Variants in GRIN2A observed in about 807,000 individuals in gnomAD.
GRIN2A encodes glutamate ionotropic receptor NMDA type subunit 2A.
A neutral mutation model predicts 113.4 loss-of-function variants in GRIN2A; 22 were observed. The ratio of observed to expected loss-of-function variants is 0.19; its 90% CI spans 0.14 to 0.28. The LOEUF (loss-of-function observed/expected upper bound fraction) is 0.28. Ranked by LOEUF, GRIN2A falls within the 10% of genes least tolerant of loss-of-function variation. The probability of loss-of-function intolerance (pLI) is 1.00; values close to 1 mark genes in which losing one functional copy is unlikely to be tolerated. For missense variants in GRIN2A, 1,502 were observed against 1,887.0 expected (o/e 0.80, Z 3.78); for synonymous variants, 827 against 738.4 (o/e 1.12, Z -1.94).
chr16:9,979,843 T>C (rs988274492), intron 2 of GRIN2A, among the ~76,000 whole-genome samples: 1 of 66,804 alleles, frequency 1.5e-5, no homozygotes, highest in Non-Finnish European at 3.1e-5. Context: ...AGGACTTATA[T>C]TCTGTGTGTG....
chr16:9,850,007 G>A (rs767901619), intron 4 of GRIN2A, 46 bp from the exon 5 acceptor site: 1 of 1,515,864 alleles, frequency 6.6e-7, no homozygotes, highest in African/African-American at 1.4e-5. Flanking sequence ...TTCCGCCGCT[G>A]ATTTCTGGAG....
chr16:10,136,904 G>C (rs770250540), intron 2 of GRIN2A, among the ~76,000 whole-genome samples: 13 of 152,238 alleles, frequency 8.5e-5, no homozygotes, highest in Non-Finnish European at 1.8e-4. Flanking sequence ...AAAGAGAAGT[G>C]AGACAGGGAA....
intron 2 of GRIN2A, among the ~76,000 whole-genome samples, chr16:10,104,294 G>C (rs1305361341): frequency 6.6e-6 from 1 of 152,184 alleles, no homozygotes; most frequent in Non-Finnish European, 1.5e-5. Flanking sequence ...AAAAGTGGAT[G>C]GATATGAACA....
intron 7 of GRIN2A, among the ~76,000 whole-genome samples, chr16:9,838,888 T>C (rs1325292362): frequency 6.6e-6 from 1 of 152,100 alleles, no homozygotes; most frequent in Non-Finnish European, 1.5e-5. Flanking sequence ...AGTGGTATAA[T>C]GGACACTGGA....
At chr16:9,935,512 TCACACACACACA>T (rs71157793) in intron 3 of GRIN2A, among the ~76,000 whole-genome samples, 290 of 132,894 alleles carry the variant, frequency 2.2e-3, no homozygotes, top group East Asian at 7.9e-3. Flanking sequence ...GTCTACTTCA[TCACACACACACA>T]CACACACACA....
At chr16:9,801,771 G>A (rs1357648579) in intron 10 of GRIN2A, among the ~76,000 whole-genome samples, 2 of 152,198 alleles carry the variant, frequency 1.3e-5, no homozygotes, top group African/African-American at 4.8e-5. Context: ...TGGTGGTCAT[G>A]CTGTCAGAGG....
intron 11 of GRIN2A, among the ~76,000 whole-genome samples, chr16:9,781,432 C>T (rs1442393584): frequency 6.6e-6 from 1 of 152,172 alleles, no homozygotes; most frequent in Non-Finnish European, 1.5e-5. Context: ...AGGAACACTG[C>T]TCTCTGCAGC....
intron 2 of GRIN2A, among the ~76,000 whole-genome samples, chr16:10,034,588 C>A: frequency 7.2e-6 from 1 of 139,014 alleles, no homozygotes; most frequent in Non-Finnish European, 1.5e-5. Context: ...GATGGAGCCA[C>A]ACTTTGAGAA....
At position 9,763,459 on chromosome 16, in the gene GRIN2A, G is replaced by C. The variant is rs1465067482; in HGVS notation, c.4085C>G (p.Thr1362Ser). 3.1e-6 allele frequency: 5 copies of C among 1,613,928 alleles called. No homozygotes were observed. Among genetic ancestry groups the C allele is most frequent in the African/African-American group, 1.3e-5 (1 of 74,918 alleles). ...KRSKSLLPDH[T>S]SDNPFLHSHR... ...GGAGTGGAGGAAAGGGTTATCGGAG[G>C]TGTGGTCTGGCAAGAGAGACTTGCT... The change falls in exon 13 of 13, where the codon ACC (threonine) becomes AGC (serine). Residue 1362 changes from threonine (T) to serine (S), a missense_variant. Physicochemically the swap from Thr to Ser is moderately conservative, Grantham distance 58 (BLOSUM62 1). Coordinates refer to ENST00000330684, the MANE Select transcript of GRIN2A (RefSeq NM_001134407.3).
intron 7 of GRIN2A, among the ~76,000 whole-genome samples, chr16:9,834,834 G>A (rs1269421693): frequency 6.6e-6 from 1 of 152,156 alleles, no homozygotes; most frequent in African/African-American, 2.4e-5. Context: ...AGAGTGATAA[G>A]AAAGAGGGAG....
At chr16:9,858,049 G>A (rs984052469) in intron 4 of GRIN2A, among the ~76,000 whole-genome samples, 2 of 152,126 alleles carry the variant, frequency 1.3e-5, no homozygotes, top group African/African-American at 4.8e-5. Context: ...TAACGAATAG[G>A]CACGTGTCCT....
At chr16:9,870,684 G>A (rs924236623) in intron 4 of GRIN2A, among the ~76,000 whole-genome samples, 1 of 150,422 alleles carries the variant, frequency 6.6e-6, no homozygotes. Flanking sequence ...GTTGCCCAAG[G>A]TGGAGTGCAG....
Position 9,926,957 on chromosome 16 carries a change from G to A in GRIN2A, c.1007+11002C>T, listed in dbSNP as rs148402390. 3.1e-3 allele frequency among the ~76,000 whole-genome samples: 468 copies of A among 151,946 alleles called. 4 individuals are homozygous for A. Among genetic ancestry groups the A allele is most frequent in the African/African-American group, 0.011 (444 of 41,484 alleles). On this transcript the variant is annotated intron_variant, in intron 3 of 12. Coordinates refer to ENST00000330684, the MANE Select transcript of GRIN2A (RefSeq NM_001134407.3). ...AAAAAAAAACATGCACACAACACAG[G>A]TCAATTTGCAGCCTCTGAAAGTCGT... is the stretch of plus-strand genomic sequence containing the variant.
intron 4 of GRIN2A, among the ~76,000 whole-genome samples, chr16:9,871,777 T>A (rs2043266275): frequency 6.6e-6 from 1 of 152,226 alleles, no homozygotes; most frequent in East Asian, 1.9e-4. Context: ...TTAAAAACTA[T>A]TAGGCACTTT....
intron 2 of GRIN2A, among the ~76,000 whole-genome samples, chr16:10,107,268 G>C (rs901679581): frequency 1.3e-5 from 2 of 152,150 alleles, no homozygotes; most frequent in African/African-American, 4.8e-5. Flanking sequence ...TAGATAACAA[G>C]ATATATCCAT....
intron 3 of GRIN2A, among the ~76,000 whole-genome samples, chr16:9,893,765 C>T (rs972301162): frequency 5.3e-5 from 8 of 152,086 alleles, no homozygotes; most frequent in Non-Finnish European, 1.0e-4. Flanking sequence ...CCACACCTGC[C>T]GGAAGGATAT....
chr16:9,932,585 G>A (rs1185334365), intron 3 of GRIN2A, among the ~76,000 whole-genome samples: 2 of 151,474 alleles, frequency 1.3e-5, no homozygotes, highest in South Asian at 2.1e-4. Flanking sequence ...GTTTTACCAT[G>A]TGTTGGCCAG....
chr16:10,134,487 G>A (rs2142230689), intron 2 of GRIN2A, among the ~76,000 whole-genome samples: 1 of 151,436 alleles, frequency 6.6e-6, no homozygotes, highest in African/African-American at 2.4e-5. Context: ...GGGGGTAGGG[G>A]GCTGGGGGAG....
In GRIN2A at chr16:9,763,418, GTT is replaced by G. The variant is rs1219086187; in HGVS notation, c.4124_4125del (p.Gln1375ProfsTer23). On this transcript the variant is annotated frameshift_variant, in exon 13 of 13. Coordinates refer to ENST00000330684, the MANE Select transcript of GRIN2A (RefSeq NM_001134407.3). LOFTEE classifies it high-confidence loss of function. ...GAGGGGCATCTCCCAATAACCAAGC[GTT>G]GGTCATCCCTGTGGGAGTGGAGGAA... is the stretch of plus-strand genomic sequence containing the variant. ...NPFLHSHRDD[Q>X]RLVIGRCPSD... 1.2e-6 allele frequency: 2 copies of G among 1,613,968 alleles called. No individual in the cohort carries two copies. The highest frequency in any genetic ancestry group is 1.3e-5 in the African/African-American group (1 of 74,924).
Sources: gnomAD v4.1 joint callset for allele counts (sites outside exome capture counted in the v4.1 genomes callset) on GRCh38, gnomAD v4.1.1 for gene constraint, MANE v1.5 for transcripts, NCBI Gene and HGNC (gene_info 2026-07-23, HGNC 2026-07-21) for gene names.